CDH11: variants seen among roughly 807,000 people sequenced by gnomAD.
CDH11 encodes cadherin-11.
A neutral mutation model predicts 67.8 loss-of-function variants in CDH11; 11 were observed. The ratio of observed to expected loss-of-function variants is 0.16; its 90% CI spans 0.10 to 0.27. The LOEUF (loss-of-function observed/expected upper bound fraction) is 0.27, where lower values mean the gene tolerates loss of function less well. Ranked by LOEUF, CDH11 falls within the 10% of genes least tolerant of loss-of-function variation. The pLI, the probability that CDH11 is intolerant of heterozygous loss-of-function variation, is 1.00. For missense variants in CDH11, 847 were observed against 1,031.2 expected, an observed-to-expected ratio of 0.82 and a Z score of 2.45; for synonymous variants, 419 against 400.0, an observed-to-expected ratio of 1.05 and a Z score of -0.57.
intron 1 of CDH11, among the ~76,000 whole-genome samples, chr16:65,065,868 T>C (rs909018569): frequency 4.6e-5 from 7 of 152,232 alleles, no homozygotes; most frequent in Non-Finnish European, 8.8e-5. Flanking sequence ...CTTTTAACAA[T>C]AGCCAAGCCT....
At chr16:65,040,833 T>C (rs535361334) in intron 2 of CDH11, among the ~76,000 whole-genome samples, 5 of 152,264 alleles carry the variant, frequency 3.3e-5, no homozygotes, top group Non-Finnish European at 7.3e-5. Flanking sequence ...TATATATTTA[T>C]TGGCCACATA....
intron 12 of CDH11, chr16:64,948,767 G>A (rs544878990): frequency 8.1e-6 from 13 of 1,599,956 alleles, no homozygotes; most frequent in African/African-American, 6.7e-5. Context: ...GGAGAGGGGG[G>A]TTCCATTAAG....
intron 1 of CDH11, among the ~76,000 whole-genome samples, chr16:65,116,183 G>A (rs764018307): frequency 2.6e-5 from 4 of 152,170 alleles, no homozygotes; most frequent in African/African-American, 4.8e-5. Flanking sequence ...CCGAGGCAGG[G>A]TAGGTGTGAA....
chr16:64,947,156 A>C lies in CDH11; in HGVS notation c.*447T>G. The C allele has an allele frequency of 1.9e-6, 2 of 1,047,136 alleles. No individual in the cohort carries two copies. Among genetic ancestry groups the C allele is most frequent in the Non-Finnish European group, 2.3e-6 (2 of 866,054 alleles). The allele number at this position is 1,047,136 out of a possible 1,614,324, so 64.9% of individuals were successfully genotyped here. ...AAGCTGGCTGAATATTATATATTTC[A>C]AGTTTAAAAATGCACTACATATAGA... On this transcript the variant is annotated 3_prime_UTR_variant, in exon 13 of 13. Coordinates refer to ENST00000268603, the MANE Select transcript of CDH11 (RefSeq NM_001797.4).
intron 6 of CDH11, among the ~76,000 whole-genome samples, chr16:64,990,262 G>A (rs1256697451): frequency 6.6e-6 from 1 of 152,124 alleles, no homozygotes; most frequent in Non-Finnish European, 1.5e-5. Flanking sequence ...GGAGCATGCA[G>A]CTCTTTGAAT....
rs149432900 is a variant in CDH11 at position 64,975,266 on chromosome 16, T to C, written c.1254-2226A>G. On this transcript the variant is annotated intron_variant, in intron 8 of 12. Coordinates refer to ENST00000268603, the MANE Select transcript of CDH11 (RefSeq NM_001797.4). Reference sequence around the variant, plus strand: ...GCTGTTACACACTGAGAACAAACTGTGGAAGCTCTCATATGTAAGAGTGTG... The same window carrying C: ...GCTGTTACACACTGAGAACAAACTGCGGAAGCTCTCATATGTAAGAGTGTG... Among the ~76,000 whole-genome samples, 342 of 152,310 alleles carry C rather than the reference T, an allele frequency of 2.2e-3. 3 individuals are homozygous for C. The highest frequency in any genetic ancestry group is 7.6e-3 in the African/African-American group (314 of 41,558).
At chr16:65,028,514 A>G (rs1488985014) in intron 2 of CDH11, among the ~76,000 whole-genome samples, 1 of 152,098 alleles carries the variant, frequency 6.6e-6, no homozygotes, top group Non-Finnish European at 1.5e-5. Context: ...ACACCCACAC[A>G]TAAGAGATAC....
intron 2 of CDH11, among the ~76,000 whole-genome samples, chr16:65,035,080 G>GCAGTGAC (rs1387560095): frequency 6.6e-6 from 1 of 152,214 alleles, no homozygotes; most frequent in East Asian, 1.9e-4. Flanking sequence ...AGCTGCACGG[G>GCAGTGAC]CAGTGACGTT....
intron 1 of CDH11, among the ~76,000 whole-genome samples, chr16:65,084,350 G>A (rs749778109): frequency 6.6e-6 from 1 of 152,062 alleles, no homozygotes; most frequent in African/African-American, 2.4e-5. Flanking sequence ...TAGCTACTTG[G>A]GAGGCTGAGG....
intron 4 of CDH11, among the ~76,000 whole-genome samples, chr16:64,995,852 C>A (rs950473116): frequency 5.9e-5 from 9 of 152,180 alleles, no homozygotes; most frequent in African/African-American, 1.9e-4. Context: ...ACACACCCAA[C>A]AAAGGTCTAG....
rs753889817 is a variant in CDH11 at position 64,944,240 on chromosome 16, G to A, written c.*3363C>T. On this transcript the variant is annotated 3_prime_UTR_variant, in exon 13 of 13. Transcript: ENST00000268603. ...CCTCTGGCTTCTTTGTGAAGAGGAG[G>A]TTGGGAGGCAGAGGGTGAGCCAAGA... 13 of 233,288 alleles carry A rather than the reference G, an allele frequency of 5.6e-5. No individual in the cohort carries two copies. The highest frequency in any genetic ancestry group is 9.3e-5 in the Non-Finnish European group (11 of 118,232). 14.5% of individuals were successfully genotyped at this position (233,288 alleles called of 1,614,324 possible). A position where few individuals can be genotyped will look rare whatever the true frequency, so the allele number is the denominator to read the frequency against.
At chr16:65,053,719 T>G (rs542571982) in intron 2 of CDH11, 85 bp downstream of exon 2, 175 of 435,442 alleles carry the variant, frequency 4.0e-4, no homozygotes, top group Non-Finnish European at 7.1e-4. Flanking sequence ...TCAAGCCACA[T>G]TTGAGACACA....
chr16:65,054,218 C>A (rs2074106589), intron 1 of CDH11, among the ~76,000 whole-genome samples: 1 of 152,182 alleles, frequency 6.6e-6, no homozygotes, highest in African/African-American at 2.4e-5. Context: ...CTGTGTCATT[C>A]ACATACATTT....
intron 11 of CDH11, among the ~76,000 whole-genome samples, chr16:64,970,641 T>C (rs1226767253): frequency 6.6e-6 from 1 of 152,342 alleles, no homozygotes; most frequent in Admixed American, 6.5e-5. Flanking sequence ...GGGAAAGTGA[T>C]AATACTTACT....
chr16:64,973,204 T>A (rs1166098733), intron 8 of CDH11, among the ~76,000 whole-genome samples, 164 bp from the exon 9 acceptor site: 1 of 152,246 alleles, frequency 6.6e-6, no homozygotes, highest in Non-Finnish European at 1.5e-5. Flanking sequence ...ACGATTCTTT[T>A]ATAGAAATAA....
At chr16:65,102,041 A>G (rs1054520528) in intron 1 of CDH11, among the ~76,000 whole-genome samples, 1 of 152,162 alleles carries the variant, frequency 6.6e-6, no homozygotes, top group African/African-American at 2.4e-5. Context: ...TGTATTCTTA[A>G]AAGTAAAATT....
At chr16:64,965,205 CAAAAAAA>C (rs71143537) in intron 11 of CDH11, among the ~76,000 whole-genome samples, 4 of 56,958 alleles carry the variant, frequency 7.0e-5, no homozygotes, top group Non-Finnish European at 1.1e-4. Flanking sequence ...CTAAAAATAC[CAAAAAAA>C]AAAAAAAAAA....
intron 1 of CDH11, among the ~76,000 whole-genome samples, chr16:65,056,593 A>T (rs889257501): frequency 1.3e-5 from 2 of 152,228 alleles, no homozygotes; most frequent in Non-Finnish European, 2.9e-5. Context: ...CCTTAAGCAC[A>T]TATAACCATC....
intron 2 of CDH11, among the ~76,000 whole-genome samples, chr16:65,043,990 T>G (rs1450149363): frequency 6.6e-6 from 1 of 152,106 alleles, no homozygotes; most frequent in Non-Finnish European, 1.5e-5. Context: ...GAGATCAAAG[T>G]GGATAATGCA....
Sources: allele counts gnomAD v4.1 joint callset (sites outside exome capture counted in the v4.1 genomes callset), GRCh38; gene constraint gnomAD v4.1.1; transcripts MANE v1.5; gene names NCBI Gene and HGNC (gene_info 2026-07-23, HGNC 2026-07-21).